The following XPNPEP3 variants were observed in gnomAD, a reference collection of about 807,000 sequenced individuals.
XPNPEP3 encodes the protein X-prolyl aminopeptidase 3.
A neutral mutation model predicts 60.0 loss-of-function variants in XPNPEP3; 41 were observed. That is an observed-to-expected ratio of 0.68 (90% confidence interval 0.53 to 0.89). XPNPEP3 has a LOEUF of 0.89. Among genes scored for constraint, XPNPEP3 ranks in the 40% least tolerant of loss-of-function variants. XPNPEP3 has a pLI of 0.00. For synonymous variants in XPNPEP3, 212 were observed against 223.2 expected, an observed-to-expected ratio of 0.95 and a Z score of 0.45; for missense variants, 598 against 638.9, an observed-to-expected ratio of 0.94 and a Z score of 0.69.
chr22:40,913,437 C>CA (rs900190983), intron 6 of XPNPEP3, among the ~76,000 whole-genome samples: 1,396 of 79,526 alleles, frequency 0.018, 16 homozygotes, highest in African/African-American at 0.05. Flanking sequence ...GACTCTGTCT[C>CA]AAAAAAAAAA....
chr22:40,869,833 A>C (rs1160557733), intron 2 of XPNPEP3, among the ~76,000 whole-genome samples: 1 of 152,242 alleles, frequency 6.6e-6, no homozygotes, highest in Non-Finnish European at 1.5e-5. Flanking sequence ...AGGTAGGGTA[A>C]AAGCAAACAC....
chr22:40,859,517 T>C (rs2145762837), intron 1 of XPNPEP3: 1 of 152,276 alleles, frequency 6.6e-6, no homozygotes, highest in South Asian at 2.1e-4. Context: ...ACAGATAAAC[T>C]CTACTAAATA....
intron 4 of XPNPEP3, among the ~76,000 whole-genome samples, chr22:40,902,582 A>C (rs183163126): frequency 6.6e-6 from 1 of 151,920 alleles, no homozygotes; most frequent in Non-Finnish European, 1.5e-5. Context: ...ACGGGGTTTC[A>C]CCATGTTGGT....
chr22:40,925,823 A>G (rs2058232695), intron 9 of XPNPEP3, among the ~76,000 whole-genome samples: 1 of 152,208 alleles, frequency 6.6e-6, no homozygotes, highest in Non-Finnish European at 1.5e-5. Context: ...TTCTTTGAAT[A>G]CAGTTTAAAT....
At chr22:40,901,105 AG>A (rs957751804) in intron 4 of XPNPEP3, among the ~76,000 whole-genome samples, 6 of 152,246 alleles carry the variant, frequency 3.9e-5, no homozygotes, top group African/African-American at 1.4e-4. Flanking sequence ...TTAAAAAAAA[AG>A]AATTTAAAAT....
chr22:40,910,848 A>G (rs1349778907), intron 6 of XPNPEP3, among the ~76,000 whole-genome samples: 1 of 152,064 alleles, frequency 6.6e-6, no homozygotes, highest in Non-Finnish European at 1.5e-5. Context: ...TACTAAAAAT[A>G]CAAAAAAAAA....
chr22:40,922,093 C>T (rs2146280566), intron 7 of XPNPEP3, among the ~76,000 whole-genome samples: 1 of 152,136 alleles, frequency 6.6e-6, no homozygotes, highest in Non-Finnish European at 1.5e-5. Context: ...CTTCATGTCT[C>T]TCCTGACCAT....
chr22:40,912,731 G>T (rs144281859), intron 6 of XPNPEP3, among the ~76,000 whole-genome samples: 2,015 of 152,070 alleles, frequency 0.013, 46 homozygotes, highest in African/African-American at 0.047. Flanking sequence ...TTAGCTGGGC[G>T]TTGTAGCGTG....
chr22:40,909,073 G>A (rs756805920), intron 5 of XPNPEP3, 49 bp from the exon 6 acceptor site: 43 of 1,519,414 alleles, frequency 2.8e-5, no homozygotes, highest in Non-Finnish European at 3.7e-5. Flanking sequence ...CTTGGGCTGG[G>A]GCAGCCCTAC....
chr22:40,895,215 T>C (rs936845446), intron 4 of XPNPEP3, among the ~76,000 whole-genome samples: 1 of 152,200 alleles, frequency 6.6e-6, no homozygotes, highest in Non-Finnish European at 1.5e-5. Flanking sequence ...TTCTTTCACA[T>C]AGATCCCCTG....
chr22:40,924,238 G>GT, intron 8 of XPNPEP3, 124 bp from the exon 9 acceptor site: 1 of 1,368,856 alleles, frequency 7.3e-7, no homozygotes, highest in Non-Finnish European at 1.0e-6. Flanking sequence ...CCCAAGGAGG[G>GT]ATTAAACTGA....
At chr22:40,888,904 A>G (rs182599626) in intron 4 of XPNPEP3, among the ~76,000 whole-genome samples, 8 of 152,254 alleles carry the variant, frequency 5.3e-5, no homozygotes, top group African/African-American at 1.9e-4. Context: ...GCAATAGCCA[A>G]TCCTAATGTG....
chr22:40,906,340 G>A (rs1186253888), intron 4 of XPNPEP3, among the ~76,000 whole-genome samples: 4 of 151,558 alleles, frequency 2.6e-5, no homozygotes, highest in Non-Finnish European at 5.9e-5. Context: ...AGGATCACTT[G>A]AGCCCAGGAG....
chr22:40,883,872 G>A (rs776517460), intron 3 of XPNPEP3, among the ~76,000 whole-genome samples: 1 of 152,058 alleles, frequency 6.6e-6, no homozygotes, highest in Non-Finnish European at 1.5e-5. Flanking sequence ...TAAGATAGAT[G>A]CTCAAGTTTA....
intron 9 of XPNPEP3, among the ~76,000 whole-genome samples, chr22:40,925,932 G>C (rs1296131119): frequency 6.6e-6 from 1 of 152,056 alleles, no homozygotes; most frequent in East Asian, 1.9e-4. Context: ...CACATATATT[G>C]ACGTACTTTT....
At chr22:40,872,453 CTT>C (rs547007897) in intron 2 of XPNPEP3, among the ~76,000 whole-genome samples, 1 of 143,956 alleles carries the variant, frequency 6.9e-6, no homozygotes. Context: ...TGTGAGTCTA[CTT>C]TTTTTTTTTT....
intron 8 of XPNPEP3, among the ~76,000 whole-genome samples, chr22:40,923,721 A>G (rs1457687950): frequency 6.6e-6 from 1 of 152,106 alleles, no homozygotes; most frequent in Non-Finnish European, 1.5e-5. Context: ...GCATGGTGGT[A>G]CATGACTATA....
intron 5 of XPNPEP3, 24 bp from the exon 6 acceptor site, chr22:40,909,098 A>T (rs370545860): frequency 1.2e-5 from 20 of 1,610,014 alleles, no homozygotes; most frequent in South Asian, 7.7e-5. Context: ...ACCCTTTGTC[A>T]TACCTTGCTG....
intron 9 of XPNPEP3, among the ~76,000 whole-genome samples, chr22:40,925,557 A>C (rs933430326): frequency 6.6e-6 from 1 of 152,026 alleles, no homozygotes; most frequent in African/African-American, 2.4e-5. Context: ...TCCTTTGCTG[A>C]TCTTTCTTTT....
Sources: allele counts gnomAD v4.1 joint callset (sites outside exome capture counted in the v4.1 genomes callset), GRCh38; gene constraint gnomAD v4.1.1; transcripts MANE v1.5; gene names NCBI Gene and HGNC (gene_info 2026-07-23, HGNC 2026-07-21).